LRP2: variants seen among roughly 807,000 people sequenced by gnomAD.
LRP2 encodes LDL receptor related protein 2.
LRP2 carries 172 observed loss-of-function variants against 531.0 expected under a neutral mutation model. The ratio of observed to expected loss-of-function variants is 0.32; its 90% confidence interval spans 0.29 to 0.37. LRP2 has a LOEUF of 0.37. LRP2 is among the 10% of genes least tolerant of loss of function. The pLI, the probability that LRP2 is intolerant of heterozygous loss-of-function variation, is 1.00. For missense variants in LRP2, 5,167 were observed against 5,868.3 expected (o/e 0.88, Z 3.90); for synonymous variants, 1,992 against 2,027.6 (o/e 0.98, Z 0.47).
intron 1 of LRP2, among the ~76,000 whole-genome samples, chr2:169,328,124 A>G (rs1237031797): frequency 2.9e-4 from 33 of 114,658 alleles, no homozygotes; most frequent in Middle Eastern, 5.8e-3. Flanking sequence ...GCCTCTGCCC[A>G]GCCGCCCCTA....
intron 63 of LRP2, 62 bp downstream of exon 63, chr2:169,162,410 C>T (rs886978909): frequency 1.3e-6 from 2 of 1,580,434 alleles, no homozygotes; most frequent in East Asian, 4.5e-5. Flanking sequence ...TATGTTATTG[C>T]ATGTTTTAAT....
chr2:169,157,546 A>C (rs775756481), intron 63 of LRP2, 44 bp from the exon 64 acceptor site: 1 of 1,607,842 alleles, frequency 6.2e-7, no homozygotes, highest in Non-Finnish European at 8.5e-7. Context: ...TCAGCCACAA[A>C]TAACAGTCAA....
intron 46 of LRP2, among the ~76,000 whole-genome samples, chr2:169,196,029 T>C (rs577749504): frequency 2.6e-4 from 39 of 152,312 alleles, no homozygotes; most frequent in Non-Finnish European, 4.6e-4. Flanking sequence ...GGCAGTTAAT[T>C]TGATGATACT....
Position 169,172,133 on chromosome 2 carries a change from C to G in LRP2, c.11145G>C (p.Glu3715Asp). The change falls in exon 58 of 79, where the codon GAG (glutamate) becomes GAC (aspartate). Residue 3715 changes from glutamate to aspartate, a missense_variant and splice_region_variant. By Grantham distance (45) the Glu-to-Asp change is conservative (BLOSUM62 2). Around this residue, in one of 6 missense-constraint regions of LRP2, gnomAD observed 311 missense variants for 309.4 expected, o/e 1.01. Transcript: ENST00000649046. ...CCCCCACAGGATGGCATGTCCTCTC[C>G]TCTGCAAAGCAGTCATTGCAAAGAC... ...CRDNSDEQGC[E>D]ERTCHPVGDF... 6.2e-7 allele frequency: 1 copy of G among 1,614,144 alleles called. No homozygotes were observed. The highest frequency in any genetic ancestry group is 1.7e-5 in the Admixed American group (1 of 60,028).
At chr2:169,281,781 C>T (rs1471197557) in intron 10 of LRP2, among the ~76,000 whole-genome samples, 1 of 151,486 alleles carries the variant, frequency 6.6e-6, no homozygotes, top group African/African-American at 2.4e-5. Context: ...ACTTCATGTG[C>T]TGAAATGGAA....
intron 62 of LRP2, among the ~76,000 whole-genome samples, chr2:169,163,651 C>T (rs1314539508): frequency 6.6e-6 from 1 of 151,858 alleles, no homozygotes; most frequent in Non-Finnish European, 1.5e-5. Context: ...GATCAAATGC[C>T]TGGTATGTTT....
intron 16 of LRP2, among the ~76,000 whole-genome samples, chr2:169,263,868 TG>T (rs1374087144): frequency 2.6e-5 from 4 of 151,960 alleles, no homozygotes; most frequent in Non-Finnish European, 4.4e-5. Flanking sequence ...AATGATAGAC[TG>T]GATTAAGAAA....
At chr2:169,175,605 G>A (rs955995865) in intron 54 of LRP2, among the ~76,000 whole-genome samples, 1 of 151,218 alleles carries the variant, frequency 6.6e-6, no homozygotes, top group Admixed American at 6.6e-5. Context: ...AATACAAACT[G>A]AAAATGTGCT....
At chr2:169,270,870 T>TACACAC (rs145964808) in intron 16 of LRP2, 34 bp downstream of exon 16, 9 of 1,392,586 alleles carry the variant, frequency 6.5e-6, no homozygotes, top group African/African-American at 5.7e-5. Context: ...AAAACACGCA[T>TACACAC]ACACACACAC....
At chr2:169,231,683 C>T (rs1205242710) in intron 31 of LRP2, 31 bp downstream of exon 31, 1 of 1,613,114 alleles carries the variant, frequency 6.2e-7, no homozygotes, top group East Asian at 2.2e-5. Context: ...CCAGCTCCAT[C>T]TTCAGAGCTC....
Position 169,139,673 on chromosome 2 carries a change from T to C in LRP2, c.13200-63A>G, listed in dbSNP as rs191348866. ...TTCTTAGGCTTCTACTGCATTTTTC[T>C]GAGCACATCCTGAAGTAGAGAGAGC... On this transcript the variant is annotated intron_variant, in intron 72 of 78. Transcript: ENST00000649046. The C allele has an allele frequency of 2.8e-4, 384 of 1,392,250 alleles. 1 individual carries two copies. The East Asian group carries it at 8.0e-3, about 29-fold the overall frequency. The allele number at this position is 1,392,250 out of a possible 1,614,324, so 86.2% of individuals were successfully genotyped here. A position where few individuals can be genotyped will look rare whatever the true frequency, so the allele number is the denominator to read the frequency against.
At chr2:169,360,238 C>G (rs1289045108) in intron 1 of LRP2, among the ~76,000 whole-genome samples, 1 of 151,248 alleles carries the variant, frequency 6.6e-6, no homozygotes, top group African/African-American at 2.4e-5. Context: ...CATTTTCTAG[C>G]AGTATGAACT....
At chr2:169,288,923 C>A (rs1217937924) in intron 9 of LRP2, 103 bp downstream of exon 9, 1 of 1,564,868 alleles carries the variant, frequency 6.4e-7, no homozygotes, top group Non-Finnish European at 8.8e-7. Flanking sequence ...TATGACAGAC[C>A]ATGACGACTC....
rs1451689593 is a variant in LRP2 at position 169,128,860 on chromosome 2, A to G, written c.13801-30T>C. 6.2e-6 allele frequency: 10 copies of G among 1,612,940 alleles called. No homozygotes were observed. In the South Asian group the frequency reaches 9.9e-5, roughly 16 times the overall value. The stretch of plus-strand genomic sequence containing the variant: ...GAATACAATGTAACAGGAATCAGCC[A>G]TTTATTCCCCCAAGGTCACCATACA... On this transcript the variant is annotated intron_variant, in intron 78 of 78. Coordinates refer to ENST00000649046, the MANE Select transcript of LRP2 (RefSeq NM_004525.3).
rs147621120 is a variant in LRP2 at position 169,257,161 on chromosome 2, T to A, written c.2602A>T (p.Thr868Ser). 3.1e-5 allele frequency: 50 copies of A among 1,612,580 alleles called. No individual in the cohort carries two copies. The African/African-American group carries it at 5.1e-4, about 16-fold the overall frequency. ...GSHLLPVINT[T>S]LGWPNGLAID... ...GCCAAGCCATTGGGCCATCCAAGAG[T>A]AGTGTTTATTACAGGCAAGAGGTGA... The change falls in exon 18 of 79, where the codon ACT becomes TCT. Residue 868 changes from threonine to serine, a missense_variant. Coordinates refer to ENST00000649046, the MANE Select transcript of LRP2 (RefSeq NM_004525.3).
chr2:169,160,014 C>T (rs1387764258), intron 63 of LRP2, among the ~76,000 whole-genome samples: 1 of 152,166 alleles, frequency 6.6e-6, no homozygotes, highest in African/African-American at 2.4e-5. Context: ...AAAATGATCA[C>T]CATTTTAACC....
chr2:169,207,071 G>A lies in LRP2; in HGVS notation c.6649C>T (p.Arg2217Cys), dbSNP rs914080135. 8.7e-6 allele frequency: 14 copies of A among 1,613,642 alleles called. No homozygotes were observed. The highest frequency in any genetic ancestry group is 8.0e-5 in the African/African-American group (6 of 74,908). Residue 2217 changes from arginine to cysteine, a missense_variant, in exon 39 of 79, where the codon CGT becomes TGT. This residue lies in a region of LRP2 where 2,811 missense variants were observed against 3,058.0 expected (regional missense o/e 0.92). Coordinates refer to ENST00000649046, the MANE Select transcript of LRP2 (RefSeq NM_004525.3). ...CGATTGGTACAGTCAAGGAAAGAAC[G>A]CTCAATCTTTGGTCTCTGCCCATAG... Reference protein sequence around the residue: ...ADYGQRPKIERSFLDCTNRTV... With the variant: ...ADYGQRPKIECSFLDCTNRTV...
At chr2:169,307,646 T>C (rs1466158820) in intron 3 of LRP2, among the ~76,000 whole-genome samples, 4 of 152,156 alleles carry the variant, frequency 2.6e-5, no homozygotes, top group Non-Finnish European at 5.9e-5. Context: ...AAGAATACAA[T>C]ATAGATTTTA....
At chr2:169,244,131 T>C (rs1329218079) in intron 22 of LRP2, among the ~76,000 whole-genome samples, 1 of 152,210 alleles carries the variant, frequency 6.6e-6, no homozygotes, top group Non-Finnish European at 1.5e-5. Context: ...ACTTGCCTAG[T>C]CAGGCAACCA....
Sources: gnomAD v4.1 joint callset for allele counts (sites outside exome capture counted in the v4.1 genomes callset) on GRCh38, gnomAD v4.1.1 for gene constraint, gnomAD v4.1.1 regional missense constraint, MANE v1.5 for transcripts, NCBI Gene and HGNC (gene_info 2026-07-23, HGNC 2026-07-21) for gene names.